WDR36: variants seen among roughly 807,000 people sequenced by gnomAD.
WDR36 encodes WD repeat-containing protein 36.
A neutral mutation model predicts 112.7 loss-of-function variants in WDR36; 63 were observed. The observed-to-expected ratio is 0.56, with a 90% CI of 0.46 to 0.69. The LOEUF (loss-of-function observed/expected upper bound fraction) is 0.69, where lower values mean the gene tolerates loss of function less well. Among genes scored for constraint, WDR36 ranks in the 30% least tolerant of loss-of-function variants. The pLI is 0.00. For synonymous variants in WDR36, 410 were observed against 362.2 expected, an observed-to-expected ratio of 1.13 and a Z score of -1.50; for missense variants, 1,226 against 1,070.3, an observed-to-expected ratio of 1.15 and a Z score of -2.03.
At chr5:111,123,025 C>T (rs992568026) in intron 19 of WDR36, among the ~76,000 whole-genome samples, 6 of 152,002 alleles carry the variant, frequency 3.9e-5, no homozygotes, top group Admixed American at 1.3e-4. Context: ...AGGAGAATTG[C>T]TTGAACCCGG....
chr5:111,113,117 A>G lies in WDR36; in HGVS notation c.1760A>G (p.Asp587Gly), dbSNP rs1283434192. 2.5e-6 allele frequency: 4 copies of G among 1,582,032 alleles called. No homozygotes were observed. Among genetic ancestry groups the G allele is most frequent in the Non-Finnish European group, 3.4e-6 (4 of 1,162,292 alleles). ...CGTTGGTTAATAAGTGCTGCGATGG[A>G]TTGCTCTATTAGGACTTGGGACCTT... ...DGRWLISAAM[D>G]CSIRTWDLPS... is the part of the protein sequence containing the mutation. The change falls in exon 16 of 23, where the codon GAT (aspartate) becomes GGT (glycine). Residue 587 changes from aspartate to glycine, a missense_variant. Coordinates refer to ENST00000513710, the MANE Select transcript of WDR36 (RefSeq NM_139281.3).
chr5:111,116,378 T>G (rs1753455358), intron 16 of WDR36, among the ~76,000 whole-genome samples: 1 of 152,190 alleles, frequency 6.6e-6, no homozygotes, highest in African/African-American at 2.4e-5. Context: ...AATAGAACAT[T>G]GTTTTCAATT....
Position 111,125,667 on chromosome 5 carries a change from C to T in WDR36, c.2410C>T (p.Arg804Ter). ...CCCATCAGGAATTGAAACAGAGCTG[C>T]GAAGCTTGTCTCCTGATTGTGGTGG... ...SGPSGIETEL[R>*]SLSPDCGGSI... Residue 804 changes from arginine to a stop codon, truncating the protein, a stop_gained, in exon 22 of 23, where the codon CGA becomes TGA. Coordinates refer to ENST00000513710, the MANE Select transcript of WDR36 (RefSeq NM_139281.3). LOFTEE classifies it high-confidence loss of function. 5 of 1,613,820 alleles carry T rather than the reference C, an allele frequency of 3.1e-6. No homozygotes were observed. Among genetic ancestry groups the T allele is most frequent in the Non-Finnish European group, 4.2e-6 (5 of 1,179,852 alleles).
At chr5:111,099,997 A>AT (rs1323594598) in intron 4 of WDR36, among the ~76,000 whole-genome samples, 1 of 151,960 alleles carries the variant, frequency 6.6e-6, no homozygotes, top group Non-Finnish European at 1.5e-5. Context: ...ATTTCAGAGA[A>AT]TTTTTTTATC....
chr5:111,106,375 ATAT>A (rs1223043227), intron 11 of WDR36, among the ~76,000 whole-genome samples: 1 of 151,432 alleles, frequency 6.6e-6, no homozygotes, highest in African/African-American at 2.4e-5. Context: ...GGTATTAATA[ATAT>A]TTGATTTTAT....
intron 18 of WDR36, 130 bp downstream of exon 18, chr5:111,120,723 A>G (rs1477445648): frequency 1.2e-6 from 1 of 820,086 alleles, no homozygotes; most frequent in East Asian, 2.6e-5. Flanking sequence ...AAGACTTTGA[A>G]TGACTTCATG....
At chr5:111,105,938 T>C (rs903808612) in intron 10 of WDR36, 119 bp from the exon 11 acceptor site, 7 of 753,502 alleles carry the variant, frequency 9.3e-6, no homozygotes, top group Non-Finnish European at 1.6e-5. Flanking sequence ...GTTTTGTTTC[T>C]GACTTAAATG....
rs1261583405 is a variant in WDR36, at chr5:111,106,046, C to G, written c.1094-11C>G. Reference sequence around the variant, plus strand: ...CATAGCTATGTATGTTCCCCTTTCCCCCATCCTTAGGATTAATAAATAAAA... The same window carrying G: ...CATAGCTATGTATGTTCCCCTTTCCGCCATCCTTAGGATTAATAAATAAAA... On this transcript the variant is annotated splice_polypyrimidine_tract_variant and intron_variant, in intron 10 of 22. Coordinates refer to ENST00000513710, the MANE Select transcript of WDR36 (RefSeq NM_139281.3). 6.3e-7 allele frequency: 1 copy of G among 1,596,756 alleles called. No homozygotes were observed.
chr5:111,093,681 C>T (rs571677586), intron 1 of WDR36, among the ~76,000 whole-genome samples: 14 of 152,302 alleles, frequency 9.2e-5, no homozygotes, highest in Admixed American at 2.0e-4. Context: ...TGTAATTTTT[C>T]TGAGTTTATT....
chr5:111,092,388 A>G lies in WDR36; in HGVS notation c.-69A>G. 4.3e-6 allele frequency: 7 copies of G among 1,614,244 alleles called. No individual in the cohort carries two copies. The highest frequency in any genetic ancestry group is 5.9e-6 in the Non-Finnish European group (7 of 1,180,042). On this transcript the variant is annotated 5_prime_UTR_variant, in exon 1 of 23. Coordinates refer to ENST00000513710, the MANE Select transcript of WDR36 (RefSeq NM_139281.3). ...CTGGCAGAGGACTGTTCCACTAGAC[A>G]CGCTGAAGGGACTGGGTACGTGTTT...
At chr5:111,123,365 C>T (rs941562561) in intron 19 of WDR36, among the ~76,000 whole-genome samples, 3 of 152,182 alleles carry the variant, frequency 2.0e-5, no homozygotes, top group African/African-American at 7.2e-5. Flanking sequence ...CTGCTTCTGG[C>T]TCCAAAGTTC....
Position 111,094,940 on chromosome 5 carries a change from T to C in WDR36, c.183T>C (p.Val61=), listed in dbSNP as rs752303467. The change falls in exon 2 of 23, where the codon GTT becomes GTC. Residue 61 remains valine, a synonymous_variant. Transcript: ENST00000513710. The part of the protein sequence containing the change: ...HTYDVQKLSL[V]AVSNSVPQDI... ...AACAGGTTCAGAAACTTAGTCTGGT[T>C]GCAGTAAGTAAGTATGGACTTTATT... is the stretch of plus-strand genomic sequence containing the variant. 10 of 1,606,840 alleles carry C rather than the reference T, an allele frequency of 6.2e-6. No individual in the cohort carries two copies. The African/African-American group carries it at 9.3e-5, about 15-fold the overall frequency.
chr5:111,124,412 A>G (rs1324942198), intron 21 of WDR36, among the ~76,000 whole-genome samples: 1 of 152,186 alleles, frequency 6.6e-6, no homozygotes, highest in African/African-American at 2.4e-5. Context: ...GATTTTTCAT[A>G]TATCTAACTT....
intron 7 of WDR36, 93 bp downstream of exon 7, chr5:111,104,011 T>A (rs560385588): frequency 2.6e-6 from 4 of 1,514,818 alleles, no homozygotes; most frequent in Non-Finnish European, 3.6e-6. Context: ...TAGCTTAATC[T>A]AATAGAAGTG....
At chr5:111,118,056 T>C (rs1753492216) in intron 16 of WDR36, among the ~76,000 whole-genome samples, 2 of 152,204 alleles carry the variant, frequency 1.3e-5, no homozygotes, top group Non-Finnish European at 2.9e-5. Context: ...ATGGCAAGTT[T>C]TTATGGAAGT....
At chr5:111,104,052 A>C in intron 7 of WDR36, 125 bp from the exon 8 acceptor site, 1 of 1,389,058 alleles carries the variant, frequency 7.2e-7, no homozygotes, top group Non-Finnish European at 9.9e-7. Context: ...GCAAAGAAAT[A>C]TGAATAGATT....
At position 111,127,519 on chromosome 5, in the gene WDR36, T is replaced by C. The variant is rs546128711; in HGVS notation, c.*636T>C. 1 of 209,254 alleles carries C rather than the reference T, an allele frequency of 4.8e-6. No individual in the cohort carries two copies. Among genetic ancestry groups the C allele is most frequent in the South Asian group, 1.9e-4 (1 of 5,332 alleles). 13.0% of individuals were successfully genotyped at this position (209,254 alleles called of 1,614,324 possible). A position where few individuals can be genotyped will look rare whatever the true frequency, so the allele number is the denominator to read the frequency against. ...GTTGGAGGATAAACTAATCATCTTCTAGCACAGCCCTGTTGTGTTGCAGGA... is the reference window on the plus strand; with the variant it reads ...GTTGGAGGATAAACTAATCATCTTCCAGCACAGCCCTGTTGTGTTGCAGGA... On this transcript the variant is annotated 3_prime_UTR_variant, in exon 23 of 23. Transcript: ENST00000513710.
chr5:111,107,701 G>A (rs1753247651), intron 12 of WDR36, among the ~76,000 whole-genome samples: 1 of 151,038 alleles, frequency 6.6e-6, no homozygotes, highest in Admixed American at 6.6e-5. Context: ...TTTTTTACAT[G>A]TGGATATCCA....
In WDR36 at chr5:111,127,743, C is replaced by G. The variant is rs1753701727; in HGVS notation, c.*860C>G. On this transcript the variant is annotated 3_prime_UTR_variant, in exon 23 of 23. Transcript: ENST00000513710. Reference sequence around the variant, plus strand: ...GGATAGGTAAGGGAAATTCCAAATTCCATTGGAAGATGGCCTTTTACTGAC... The same window carrying G: ...GGATAGGTAAGGGAAATTCCAAATTGCATTGGAAGATGGCCTTTTACTGAC... The G allele has an allele frequency of 4.8e-6, 1 of 210,352 alleles. No individual in the cohort carries two copies. The highest frequency in any genetic ancestry group is 9.7e-6 in the Non-Finnish European group (1 of 103,604). The allele number at this position is 210,352 out of a possible 1,614,324, so 13.0% of individuals were successfully genotyped here.
Sources: gnomAD v4.1 joint callset for allele counts (sites outside exome capture counted in the v4.1 genomes callset) on GRCh38, gnomAD v4.1.1 for gene constraint, MANE v1.5 for transcripts, NCBI Gene and HGNC (gene_info 2026-07-23, HGNC 2026-07-21) for gene names.